WWOX: variants seen among roughly 807,000 people sequenced by gnomAD.
WWOX encodes the protein WW domain containing oxidoreductase.
Under a neutral mutation model 46.2 loss-of-function variants are expected in WWOX, and 69 were observed. That is an observed-to-expected ratio of 1.49 (90% CI 1.23 to 1.82). WWOX has a LOEUF of 1.82. WWOX is among the 40% of genes most tolerant of loss of function. The pLI, the probability that WWOX is intolerant of heterozygous loss-of-function variation, is 0.00. For synonymous variants in WWOX, 359 were observed against 202.6 expected, an observed-to-expected ratio of 1.77 and a Z score of -6.56; for missense variants, 919 against 542.6, an observed-to-expected ratio of 1.69 and a Z score of -6.89.
chr16:78,996,297 C>T, intron 8 of WWOX: 1 of 983,672 alleles, frequency 1.0e-6, no homozygotes, highest in Non-Finnish European at 1.2e-6. Context: ...GAAGATGGAT[C>T]TTGCCTTGTG....
intron 5 of WWOX, among the ~76,000 whole-genome samples, chr16:78,315,083 C>T (rs1157285948): frequency 6.6e-6 from 1 of 152,118 alleles, no homozygotes; most frequent in East Asian, 1.9e-4. Context: ...AGCTATCTAT[C>T]GATTTCTCTT....
intron 8 of WWOX, among the ~76,000 whole-genome samples, chr16:78,635,152 T>G (rs2046537352): frequency 6.6e-6 from 1 of 152,192 alleles, no homozygotes. Flanking sequence ...ACTGTACCTC[T>G]TGCCACTCAA....
chr16:78,852,446 A>C (rs1166110909), intron 8 of WWOX, among the ~76,000 whole-genome samples: 1 of 152,158 alleles, frequency 6.6e-6, no homozygotes, highest in East Asian at 1.9e-4. Context: ...TCCGCATAGC[A>C]AGGAATCAGG....
intron 8 of WWOX, among the ~76,000 whole-genome samples, chr16:78,766,944 C>G (rs949611014): frequency 8.5e-5 from 13 of 152,184 alleles, no homozygotes; most frequent in Non-Finnish European, 1.8e-4. Context: ...TTCCTCACTT[C>G]CCCAAGCTTG....
intron 8 of WWOX, chr16:78,891,655 A>G (rs559892093): frequency 1.3e-5 from 2 of 152,282 alleles, no homozygotes; most frequent in South Asian, 2.1e-4. Context: ...ATATTGAACT[A>G]TTGCCCGTCA....
intron 8 of WWOX, among the ~76,000 whole-genome samples, chr16:79,137,000 C>T (rs1817896971): frequency 6.6e-6 from 1 of 152,158 alleles, no homozygotes; most frequent in African/African-American, 2.4e-5. Flanking sequence ...GAGGAAAAGA[C>T]AACTGAGAGG....
At chr16:78,514,165 G>C (rs2085432502) in intron 8 of WWOX, among the ~76,000 whole-genome samples, 1 of 152,162 alleles carries the variant, frequency 6.6e-6, no homozygotes, top group Admixed American at 6.5e-5. Context: ...AAAACTTAGA[G>C]AGTGACTTTC....
At chr16:78,920,508 C>G (rs72806748) in intron 8 of WWOX, among the ~76,000 whole-genome samples, 1 of 152,104 alleles carries the variant, frequency 6.6e-6, no homozygotes, top group African/African-American at 2.4e-5. Flanking sequence ...CATCCCCAAC[C>G]CAGCCCTCCT....
At chr16:78,398,518 C>G (rs981894931) in intron 6 of WWOX, among the ~76,000 whole-genome samples, 1 of 152,218 alleles carries the variant, frequency 6.6e-6, no homozygotes, top group African/African-American at 2.4e-5. Context: ...TCTACCTGCT[C>G]TTACCCGGGC....
intron 8 of WWOX, among the ~76,000 whole-genome samples, chr16:79,146,813 G>T (rs2050190508): frequency 2.0e-5 from 3 of 152,140 alleles, no homozygotes; most frequent in Non-Finnish European, 4.4e-5. Flanking sequence ...TAGGATTGGA[G>T]ACCCCAGCAG....
At chr16:78,787,349 A>G (rs920207729) in intron 8 of WWOX, among the ~76,000 whole-genome samples, 6 of 152,120 alleles carry the variant, frequency 3.9e-5, no homozygotes, top group Admixed American at 2.0e-4. Context: ...CCAGCCCCTC[A>G]TAACCACATC....
intron 5 of WWOX, among the ~76,000 whole-genome samples, chr16:78,335,761 C>G (rs2080875416): frequency 6.6e-6 from 1 of 152,132 alleles, no homozygotes; most frequent in African/African-American, 2.4e-5. Context: ...GTGGTTCTGG[C>G]TCTGCAGAAC....
At chr16:78,257,274 C>T (rs1281760600) in intron 5 of WWOX, among the ~76,000 whole-genome samples, 1 of 152,094 alleles carries the variant, frequency 6.6e-6, no homozygotes. Context: ...GGAAATAAGG[C>T]CATGAGATTG....
chr16:78,454,426 A>G (rs1189920228), intron 8 of WWOX, among the ~76,000 whole-genome samples: 1 of 152,104 alleles, frequency 6.6e-6, no homozygotes, highest in African/African-American at 2.4e-5. Flanking sequence ...AAGTTTTACA[A>G]AATGATACTT....
At chr16:78,298,500 A>G (rs1243709015) in intron 5 of WWOX, among the ~76,000 whole-genome samples, 2 of 152,142 alleles carry the variant, frequency 1.3e-5, no homozygotes, top group East Asian at 3.9e-4. Flanking sequence ...GATTAATAAT[A>G]GTCACAGCTA....
chr16:78,950,005 C>G (rs555733728), intron 8 of WWOX, among the ~76,000 whole-genome samples: 8 of 152,216 alleles, frequency 5.3e-5, no homozygotes, highest in Non-Finnish European at 1.0e-4. Flanking sequence ...GATGAGAGGA[C>G]TGAGGCTTGT....
At chr16:78,730,053 T>C (rs907388114) in intron 8 of WWOX, among the ~76,000 whole-genome samples, 4 of 152,204 alleles carry the variant, frequency 2.6e-5, no homozygotes, top group Admixed American at 2.6e-4. Flanking sequence ...GACTTTGATA[T>C]ATCCATTTTT....
chr16:78,837,575 C>G (rs1057476743), intron 8 of WWOX, among the ~76,000 whole-genome samples: 13 of 152,058 alleles, frequency 8.5e-5, no homozygotes, highest in Non-Finnish European at 1.3e-4. Context: ...TCTAGCAGTG[C>G]AAGATTGAAG....
chr16:78,564,710 C>G (rs1268662432), intron 8 of WWOX, among the ~76,000 whole-genome samples: 3 of 152,188 alleles, frequency 2.0e-5, no homozygotes, highest in African/African-American at 4.8e-5. Flanking sequence ...CTTCCTGGCT[C>G]CAGTAAAGTC....
Sources: allele counts gnomAD v4.1 joint callset (sites outside exome capture counted in the v4.1 genomes callset), GRCh38; gene constraint gnomAD v4.1.1; transcripts MANE v1.5; gene names NCBI Gene and HGNC (gene_info 2026-07-23, HGNC 2026-07-21).